Variants in GIGYF2 observed in about 807,000 individuals in gnomAD.
GIGYF2 encodes the protein GRB10-interacting GYF protein 2.
A neutral mutation model predicts 208.1 loss-of-function variants in GIGYF2; 25 were observed. That is an observed-to-expected ratio of 0.12 (90% CI 0.09 to 0.17). GIGYF2 has a LOEUF of 0.17. Among genes scored for constraint, GIGYF2 ranks in the 10% least tolerant of loss-of-function variants. The probability of loss-of-function intolerance (pLI) is 1.00; values close to 1 mark genes in which losing one functional copy is unlikely to be tolerated. For synonymous variants in GIGYF2, 534 were observed against 543.8 expected (o/e 0.98, Z 0.25); for missense variants, 1,302 against 1,579.4 (o/e 0.82, Z 2.98).
At chr2:232,855,610 C>A (rs1322609750) in intron 28 of GIGYF2, among the ~76,000 whole-genome samples, 1 of 152,136 alleles carries the variant, frequency 6.6e-6, no homozygotes, top group East Asian at 1.9e-4. Flanking sequence ...TCCATGGAGC[C>A]TCTTACCCTG....
intron 21 of GIGYF2, among the ~76,000 whole-genome samples, chr2:232,829,159 G>C (rs1490885809): frequency 6.6e-6 from 1 of 152,112 alleles, no homozygotes; most frequent in Non-Finnish European, 1.5e-5. Context: ...TTAAATGTTA[G>C]TATTTGCTCT....
chr2:232,809,742 T>G lies in GIGYF2; in HGVS notation c.1829T>G (p.Leu610Arg). 6.2e-7 allele frequency: 1 copy of G among 1,610,290 alleles called. No individual in the cohort carries two copies. The change falls in exon 16 of 29, where the codon CTG becomes CGG. Residue 610 changes from leucine to arginine, a missense_variant. This residue lies in a region of GIGYF2 where 701 missense variants were observed against 793.0 expected (regional missense o/e 0.88). Coordinates refer to ENST00000373563, the MANE Select transcript of GIGYF2 (RefSeq NM_001103146.3). ...TAGGGAGAGCTGGACCAGGAACGACTGACCAGGCAGCAAGAACTCACAGCC... is the reference window on the plus strand; with the variant it reads ...TAGGGAGAGCTGGACCAGGAACGACGGACCAGGCAGCAAGAACTCACAGCC... Reference protein sequence around the residue: ...PHMGELDQERLTRQQELTALY... With the variant: ...PHMGELDQERRTRQQELTALY...
chr2:232,761,314 G>A lies in GIGYF2; in HGVS notation c.492-82G>A, dbSNP rs186873539. The A allele has an allele frequency of 5.5e-3, 4,791 of 871,588 alleles. 27 individuals are homozygous for A. Among genetic ancestry groups the A allele is most frequent in the Non-Finnish European group, 7.2e-3 (3,695 of 513,506 alleles). 54.0% of individuals were successfully genotyped at this position (871,588 alleles called of 1,614,324 possible). ...GTAATTTGAAGAAGAAATGCTTTTA[G>A]AAAAATGGGAAAGTGAGTGTCACAG... On this transcript the variant is annotated intron_variant, in intron 7 of 28. Transcript: ENST00000373563.
chr2:232,786,946 T>C (rs1699931571), intron 8 of GIGYF2, among the ~76,000 whole-genome samples: 1 of 152,194 alleles, frequency 6.6e-6, no homozygotes, highest in Non-Finnish European at 1.5e-5. Flanking sequence ...TATTTTTGTT[T>C]AAAAAAATTG....
intron 5 of GIGYF2, among the ~76,000 whole-genome samples, chr2:232,753,699 A>G (rs1380499726): frequency 6.6e-6 from 1 of 152,190 alleles, no homozygotes; most frequent in Non-Finnish European, 1.5e-5. Flanking sequence ...ATCCCTGTCT[A>G]CATTATATAG....
At chr2:232,750,635 T>G (rs12474040) in intron 5 of GIGYF2, among the ~76,000 whole-genome samples, 48,829 of 151,950 alleles carry the variant, frequency 0.32, 8,194 homozygotes, top group South Asian at 0.62. Context: ...TGTTTATTCA[T>G]CATTTATATT....
In GIGYF2 at chr2:232,749,046, A is replaced by C; in HGVS notation, c.231A>C (p.Pro77=). 6.2e-7 allele frequency: 1 copy of C among 1,603,958 alleles called. No individual in the cohort carries two copies. Among genetic ancestry groups the C allele is most frequent in the Non-Finnish European group, 8.5e-7 (1 of 1,170,792 alleles). The change falls in exon 5 of 29, where the codon CCA becomes CCC. Residue 77 remains proline, a synonymous_variant. Coordinates refer to ENST00000373563, the MANE Select transcript of GIGYF2 (RefSeq NM_001103146.3). ...CTATCCTCCAGGAGGAACCCCTTCC[A>C]CCATTGGCTCTGGTACCCTTTACAG... ...FLPILQEEPL[P]PLALVPFTEE...
intron 12 of GIGYF2, among the ~76,000 whole-genome samples, chr2:232,792,513 A>T (rs1700099676): frequency 6.6e-6 from 1 of 152,090 alleles, no homozygotes; most frequent in African/African-American, 2.4e-5. Flanking sequence ...GAAATGGGGG[A>T]GATCACTTGA....
chr2:232,841,072 GAA>G (rs563496153), intron 23 of GIGYF2, among the ~76,000 whole-genome samples: 3 of 114,442 alleles, frequency 2.6e-5, no homozygotes, highest in African/African-American at 9.2e-5. Flanking sequence ...CTTTATTTAA[GAA>G]AAAAAAAAAA....
chr2:232,701,762 T>C (rs577685091), intron 1 of GIGYF2, among the ~76,000 whole-genome samples: 1 of 152,150 alleles, frequency 6.6e-6, no homozygotes, highest in Non-Finnish European at 1.5e-5. Context: ...ACTTCTGATT[T>C]AATTTTGCAA....
Position 232,768,505 on chromosome 2 carries a change from G to A in GIGYF2, c.532+7069G>A, listed in dbSNP as rs760640227. ...AAGTGAGAAGGATTTTCATGCTGGA[G>A]CAGAGTAGCCAGAGGACTTGATGGT... On this transcript the variant is annotated intron_variant, in intron 8 of 28. Transcript: ENST00000373563. The A allele has an allele frequency of 8.7e-6, 14 of 1,614,140 alleles. 1 individual carries two copies. The South Asian group carries it at 1.5e-4, about 18-fold the overall frequency.
At chr2:232,847,678 A>G (rs1446759316) in intron 27 of GIGYF2, 107 bp downstream of exon 27, 1 of 1,442,702 alleles carries the variant, frequency 6.9e-7, no homozygotes, top group Admixed American at 1.8e-5. Context: ...TTGTATATCC[A>G]ATAACCATGC....
In GIGYF2 at chr2:232,757,859, C is replaced by A. The variant is rs182733823; in HGVS notation, c.379+1525C>A. On this transcript the variant is annotated intron_variant, in intron 6 of 28. Transcript: ENST00000373563. ...TGGTTTATGATTGAATTTCTCCTTG[C>A]TTTTTGGTTTCTTTGAAATGAAGGG... is the stretch of plus-strand genomic sequence containing the variant. Among the ~76,000 whole-genome samples the A allele has an allele frequency of 1.4e-4, 20 of 146,088 alleles. No homozygotes were observed. In the East Asian group the frequency reaches 4.3e-3, roughly 31 times the overall value.
chr2:232,760,552 G>C lies in GIGYF2; in HGVS notation c.452G>C (p.Gly151Ala). 1 of 1,613,428 alleles carries C rather than the reference G, an allele frequency of 6.2e-7. No homozygotes were observed. Among genetic ancestry groups the C allele is most frequent in the Non-Finnish European group, 8.5e-7 (1 of 1,179,566 alleles). ...GTAGAGGGTGTTTTTGGTCGAGGAG[G>C]TGGCAGAGAAATGCATAGATCGCAG... The part of the protein sequence containing the change: ...DEVEGVFGRG[G>A]GREMHRSQSW... The change falls in exon 7 of 29, where the codon GGT (glycine) becomes GCT (alanine). Residue 151 changes from glycine to alanine, a missense_variant. Physicochemically the swap from Gly to Ala is moderately conservative, Grantham distance 60. Around this residue, in one of 8 missense-constraint regions of GIGYF2, gnomAD observed 189 missense variants for 257.7 expected, o/e 0.73. Coordinates refer to ENST00000373563, the MANE Select transcript of GIGYF2 (RefSeq NM_001103146.3).
In GIGYF2 at chr2:232,729,394, C is replaced by CAG. The variant is rs1697349516; in HGVS notation, c.-43-5759_-43-5758dup. 1.5e-5 allele frequency: 6 copies of CAG among 389,616 alleles called. No individual in the cohort carries two copies. In the East Asian group the frequency reaches 2.9e-4, roughly 19 times the overall value. 24.1% of individuals were successfully genotyped at this position (389,616 alleles called of 1,614,324 possible). On this transcript the variant is annotated intron_variant, in intron 2 of 28. Coordinates refer to ENST00000373563, the MANE Select transcript of GIGYF2 (RefSeq NM_001103146.3). ...GCTTTGAATCATAAAGAAGAATGAG[C>CAG]AGAACACTGTTCTGAGTAATGCAGG...
chr2:232,843,440 G>A (rs1701889839), intron 23 of GIGYF2, among the ~76,000 whole-genome samples: 1 of 151,606 alleles, frequency 6.6e-6, no homozygotes, highest in Non-Finnish European at 1.5e-5. Flanking sequence ...GCAGGCGCCT[G>A]TAATCCCAGC....
At chr2:232,755,491 A>G (rs1698500564) in intron 5 of GIGYF2, among the ~76,000 whole-genome samples, 1 of 152,252 alleles carries the variant, frequency 6.6e-6, no homozygotes, top group East Asian at 1.9e-4. Flanking sequence ...CTTAAGCCTA[A>G]GGTTTTCTCT....
intron 25 of GIGYF2, 93 bp from the exon 26 acceptor site, chr2:232,845,639 C>T: frequency 4.6e-6 from 5 of 1,089,356 alleles, no homozygotes; most frequent in South Asian, 2.5e-5. Context: ...GGGCATCCAT[C>T]CAGTATTGCC....
chr2:232,752,563 CAG>C (rs1387225532), intron 5 of GIGYF2, among the ~76,000 whole-genome samples: 1 of 151,734 alleles, frequency 6.6e-6, no homozygotes, highest in Non-Finnish European at 1.5e-5. Context: ...TTTTTTGAGA[CAG>C]AGTCTCACTC....
Sources: allele counts gnomAD v4.1 joint callset (sites outside exome capture counted in the v4.1 genomes callset), GRCh38; gene constraint gnomAD v4.1.1; regional missense constraint gnomAD v4.1.1; transcripts MANE v1.5; gene names NCBI Gene and HGNC (gene_info 2026-07-23, HGNC 2026-07-21).